Variants in RNF220 observed in about 807,000 individuals in gnomAD.
RNF220 encodes E3 ubiquitin-protein ligase RNF220.
Under a neutral mutation model 67.1 loss-of-function variants are expected in RNF220, and 7 were observed. That is an observed-to-expected ratio of 0.10 (90% CI 0.06 to 0.20). The LOEUF is 0.20. Among genes scored for constraint, RNF220 ranks in the 10% least tolerant of loss-of-function variants. The probability of loss-of-function intolerance (pLI) is 1.00; values close to 1 mark genes in which losing one functional copy is unlikely to be tolerated. For synonymous variants in RNF220, 270 were observed against 283.2 expected, an observed-to-expected ratio of 0.95 and a Z score of 0.47; for missense variants, 565 against 740.3, an observed-to-expected ratio of 0.76 and a Z score of 2.75.
At position 44,645,495 on chromosome 1, in the gene RNF220, G is replaced by T. The variant is rs145308623; in HGVS notation, c.1445+7G>T. On this transcript the variant is annotated splice_region_variant and intron_variant, in intron 12 of 14. Coordinates refer to ENST00000361799, the MANE Select transcript of RNF220 (RefSeq NM_018150.4). The surrounding 1 kb of genome is among the most constrained non-coding windows in gnomAD (Gnocchi z 5.0). Reference sequence around the variant, plus strand: ...AGAACAGCGACATCGAGAAGTAAGTGTTTGGCCAGGAGAGAGCCCTGGGAC... The same window carrying T: ...AGAACAGCGACATCGAGAAGTAAGTTTTTGGCCAGGAGAGAGCCCTGGGAC... 1.2e-6 allele frequency: 2 copies of T among 1,613,428 alleles called. No homozygotes were observed. The highest frequency in any genetic ancestry group is 2.2e-5 in the South Asian group (2 of 90,942).
At chr1:44,476,143 A>AGGT (rs925525519) in intron 2 of RNF220, among the ~76,000 whole-genome samples, 8 of 152,278 alleles carry the variant, frequency 5.3e-5, no homozygotes, top group African/African-American at 1.9e-4. Flanking sequence ...GGTAAGCTAT[A>AGGT]AAGAAAATAG....
At chr1:44,410,143 TG>T (rs201005451) in intron 1 of RNF220, among the ~76,000 whole-genome samples, 16 of 150,814 alleles carry the variant, frequency 1.1e-4, no homozygotes, top group Admixed American at 1.3e-4. Flanking sequence ...AAGTGAATCC[TG>T]GGGGGGGTCG....
chr1:44,448,256 C>T (rs184436134), intron 2 of RNF220, among the ~76,000 whole-genome samples: 2 of 152,292 alleles, frequency 1.3e-5, no homozygotes, highest in African/African-American at 2.4e-5. Context: ...CCGAGATTGC[C>T]GCACTGCAGC....
chr1:44,550,356 C>G (rs745522016), intron 2 of RNF220, among the ~76,000 whole-genome samples: 6 of 152,140 alleles, frequency 3.9e-5, no homozygotes, highest in Non-Finnish European at 7.4e-5. Flanking sequence ...CTTGGAGGAG[C>G]CTGCTGTGTC....
chr1:44,633,651 T>C (rs1424892888), intron 6 of RNF220, among the ~76,000 whole-genome samples: 1 of 152,232 alleles, frequency 6.6e-6, no homozygotes, highest in Non-Finnish European at 1.5e-5. Flanking sequence ...ATTGTGCCTT[T>C]CTTGACCATT....
intron 3 of RNF220, among the ~76,000 whole-genome samples, chr1:44,615,547 C>A (rs966816327): frequency 6.6e-6 from 1 of 152,120 alleles, no homozygotes; most frequent in Admixed American, 6.5e-5. Context: ...ACCTTCTTAC[C>A]GAATCCCCAT....
intron 4 of RNF220, among the ~76,000 whole-genome samples, chr1:44,625,026 T>TGAGAGAGAGAGA (rs71665956): frequency 1.0e-4 from 15 of 147,476 alleles, no homozygotes; most frequent in South Asian, 8.7e-4. Flanking sequence ...CTAGAGAGAA[T>TGAGAGAGAGAGA]GAGAGAGAGA....
chr1:44,455,320 A>G (rs1417371), intron 2 of RNF220, among the ~76,000 whole-genome samples: 139,290 of 152,150 alleles, frequency 0.92, 63,922 homozygotes, highest in Admixed American at 0.95. Flanking sequence ...GGAAAATGGA[A>G]TCATAGGAGG....
intron 2 of RNF220, among the ~76,000 whole-genome samples, chr1:44,521,481 T>C (rs1331532112): frequency 2.0e-5 from 3 of 152,264 alleles, no homozygotes; most frequent in South Asian, 2.1e-4. Context: ...GTCAGGACCA[T>C]AGAGGAGCAC....
intron 2 of RNF220, chr1:44,424,059 G>C (rs1335672694): frequency 1.0e-6 from 1 of 977,286 alleles, no homozygotes; most frequent in Non-Finnish European, 1.2e-6. Flanking sequence ...TGTGTGTAGA[G>C]CGTTGTGCTC....
Position 44,650,538 on chromosome 1 carries a change from C to G in RNF220, c.1630-166C>G, listed in dbSNP as rs944986851. ...TCCTGGCGTCCCCCCAACACAGGAG[C>G]GTGCCTGCCTGCTCACAGAAGCTGC... On this transcript the variant is annotated intron_variant, in intron 14 of 14. Coordinates refer to ENST00000361799, the MANE Select transcript of RNF220 (RefSeq NM_018150.4). The surrounding 1 kb of genome is among the most constrained non-coding windows in gnomAD (Gnocchi z 4.3). The G allele has an allele frequency of 3.0e-6, 2 of 666,942 alleles. No individual in the cohort carries two copies. 41.3% of individuals were successfully genotyped at this position (666,942 alleles called of 1,614,324 possible).
At chr1:44,473,544 A>G (rs1655012536) in intron 2 of RNF220, among the ~76,000 whole-genome samples, 1 of 151,790 alleles carries the variant, frequency 6.6e-6, no homozygotes, top group South Asian at 2.1e-4. Flanking sequence ...TTTGAAAACT[A>G]AATAGTTTAA....
chr1:44,520,128 T>TGTGTGTGTGTGTGAGA (rs796131470), intron 2 of RNF220, among the ~76,000 whole-genome samples: 4 of 113,374 alleles, frequency 3.5e-5, no homozygotes, highest in East Asian at 2.6e-4. Context: ...TGTGTGTGTG[T>TGTGTGTGTGTGTGAGA]GAGAGAGAGA....
chr1:44,614,339 C>A, intron 3 of RNF220, 42 bp downstream of exon 3: 1 of 1,603,756 alleles, frequency 6.2e-7, no homozygotes. Context: ...GAGGAGTCCA[C>A]TCAGGGTTCT....
rs563806588 is a variant in RNF220, at chr1:44,612,107, G to A, written c.626-2058G>A. Among the ~76,000 whole-genome samples the A allele has an allele frequency of 4.4e-4, 67 of 152,290 alleles. 1 individual carries two copies. Among genetic ancestry groups the A allele is most frequent in the Non-Finnish European group, 1.9e-4 (13 of 68,020 alleles). On this transcript the variant is annotated intron_variant, in intron 2 of 14. Transcript: ENST00000361799. ...CCGAGCATCTGAGGCACAGCCACCT[G>A]ATCAGTAGGACTTCCTCCCCTCCTC...
At chr1:44,439,599 G>A (rs1353129441) in intron 2 of RNF220, among the ~76,000 whole-genome samples, 2 of 152,020 alleles carry the variant, frequency 1.3e-5, no homozygotes. Context: ...CATAGGCAGT[G>A]TGTCCAGAAT....
intron 2 of RNF220, among the ~76,000 whole-genome samples, chr1:44,454,398 A>T (rs1652971139): frequency 6.6e-6 from 1 of 152,092 alleles, no homozygotes; most frequent in Non-Finnish European, 1.5e-5. Context: ...GTAGATTTTC[A>T]TTTCTTTAAG....
chr1:44,650,965 C>A lies in RNF220; in HGVS notation c.*190C>A. 27 of 605,540 alleles carry A rather than the reference C, an allele frequency of 4.5e-5. 2 individuals are homozygous for A. In the South Asian group the frequency reaches 4.8e-4, roughly 11 times the overall value. 37.5% of individuals were successfully genotyped at this position (605,540 alleles called of 1,614,324 possible). A position where few individuals can be genotyped will look rare whatever the true frequency, so the allele number is the denominator to read the frequency against. Reference sequence around the variant, plus strand: ...CTGGAGCCAGAGTAGAGGCTGTGGCCCAGGCACTACCTGCTGGCTCCCACC... The same window carrying A: ...CTGGAGCCAGAGTAGAGGCTGTGGCACAGGCACTACCTGCTGGCTCCCACC... On this transcript the variant is annotated 3_prime_UTR_variant, in exon 15 of 15. Coordinates refer to ENST00000361799, the MANE Select transcript of RNF220 (RefSeq NM_018150.4). The surrounding 1 kb of genome is among the most constrained non-coding windows in gnomAD (Gnocchi z 4.3).
At position 44,631,993 on chromosome 1, in the gene RNF220, C is replaced by A. The variant is rs907765960; in HGVS notation, c.907-350C>A. 8 of 1,010,894 alleles carry A rather than the reference C, an allele frequency of 7.9e-6. No individual in the cohort carries two copies. The African/African-American group carries it at 1.2e-4, about 15-fold the overall frequency. 62.6% of individuals were successfully genotyped at this position (1,010,894 alleles called of 1,614,324 possible). ...AGGGCCAACATGGCCGCCGCCGCCG[C>A]TTGGAGCTGAAGTGCCGCCGCCGCC... On this transcript the variant is annotated intron_variant, in intron 5 of 14. Transcript: ENST00000361799.
Sources: gnomAD v4.1 joint callset for allele counts (sites outside exome capture counted in the v4.1 genomes callset) on GRCh38, gnomAD v4.1.1 for gene constraint, Gnocchi (gnomAD v3.1) non-coding constraint, MANE v1.5 for transcripts, NCBI Gene and HGNC (gene_info 2026-07-23, HGNC 2026-07-21) for gene names.